ZFAND3: variants seen among roughly 807,000 people sequenced by gnomAD.
ZFAND3 encodes AN1-type zinc finger protein 3.
ZFAND3 carries 10 observed loss-of-function variants against 29.6 expected under a neutral mutation model. The ratio of observed to expected loss-of-function variants is 0.34; its 90% CI spans 0.21 to 0.57. The LOEUF is 0.57. ZFAND3 is among the 20% of genes least tolerant of loss of function. The pLI, the probability that ZFAND3 is intolerant of heterozygous loss-of-function variation, is 0.86. For synonymous variants in ZFAND3, 128 were observed against 112.6 expected, an observed-to-expected ratio of 1.14 and a Z score of -0.87; for missense variants, 230 against 304.5, an observed-to-expected ratio of 0.76 and a Z score of 1.82.
At chr6:37,925,524 G>A (rs369808040) in intron 1 of ZFAND3, among the ~76,000 whole-genome samples, 6 of 152,098 alleles carry the variant, frequency 3.9e-5, no homozygotes, top group African/African-American at 1.4e-4. Flanking sequence ...CCAACATGGT[G>A]AAAACCTGTC....
chr6:38,108,727 C>A (rs1765256879), intron 4 of ZFAND3, among the ~76,000 whole-genome samples: 1 of 152,122 alleles, frequency 6.6e-6, no homozygotes, highest in Non-Finnish European at 1.5e-5. Context: ...CCCATTCCAC[C>A]AACTTAAACG....
chr6:37,870,600 G>GAAA (rs35350059), intron 1 of ZFAND3, among the ~76,000 whole-genome samples: 1,460 of 112,022 alleles, frequency 0.013, 41 homozygotes, highest in African/African-American at 0.029. Flanking sequence ...CTCTGTCTCA[G>GAAA]AAAAAAAAAA....
Position 38,031,471 on chromosome 6 carries a change from A to G in ZFAND3, c.113-30122A>G, listed in dbSNP as rs188121457. ...CGGGAAACAACAAACTCCCTTTAGC[A>G]TGTTCAGTCCTGTCCTCAATTCATT... On this transcript the variant is annotated intron_variant, in intron 2 of 5. Coordinates refer to ENST00000287218, the MANE Select transcript of ZFAND3 (RefSeq NM_021943.3). 7.2e-5 allele frequency among the ~76,000 whole-genome samples: 11 copies of G among 152,256 alleles called. No homozygotes were observed. In the East Asian group the frequency reaches 1.9e-3, roughly 27 times the overall value.
At chr6:38,134,191 T>G (rs1461014460) in intron 5 of ZFAND3, among the ~76,000 whole-genome samples, 1 of 152,204 alleles carries the variant, frequency 6.6e-6, no homozygotes, top group Non-Finnish European at 1.5e-5. Context: ...CCGCTGTACC[T>G]GGGTAATATG....
intron 1 of ZFAND3, among the ~76,000 whole-genome samples, chr6:37,920,052 C>CTTTTTTTTTTTTTTTTTTTTTTTTCT (rs11389241): frequency 1.1e-5 from 1 of 93,410 alleles, no homozygotes; most frequent in Non-Finnish European, 2.1e-5. Context: ...TTTTTTGAAG[C>CTTTTTTTTTTTTTTTTTTTTTTTTCT]TTTTTTTTTT....
intron 1 of ZFAND3, among the ~76,000 whole-genome samples, chr6:37,842,112 A>G (rs1396205898): frequency 6.6e-6 from 1 of 152,120 alleles, no homozygotes; most frequent in Non-Finnish European, 1.5e-5. Context: ...GCGATGCCTT[A>G]ATAACTTAGT....
Position 38,102,500 on chromosome 6 carries a change from T to C in ZFAND3, c.362-14072T>C, listed in dbSNP as rs181940592. ...GCAAAGGACTCAGGGCCAGATTAGG[T>C]TAACCCCTGGGCAAGTCATCTATAC... On this transcript the variant is annotated intron_variant, in intron 4 of 5. Transcript: ENST00000287218. Among the ~76,000 whole-genome samples the C allele has an allele frequency of 2.7e-4, 41 of 152,304 alleles. 1 individual carries two copies. In the East Asian group the frequency reaches 2.9e-3, roughly 11 times the overall value.
At chr6:38,026,604 T>A (rs1370621152) in intron 2 of ZFAND3, among the ~76,000 whole-genome samples, 1 of 151,920 alleles carries the variant, frequency 6.6e-6, no homozygotes, top group Non-Finnish European at 1.5e-5. Flanking sequence ...TAATTTTTTG[T>A]ATTTTTAGTG....
At chr6:37,928,330 G>C (rs759195967) in intron 1 of ZFAND3, among the ~76,000 whole-genome samples, 1 of 152,126 alleles carries the variant, frequency 6.6e-6, no homozygotes, top group South Asian at 2.1e-4. Context: ...TTTAGGGGCA[G>C]TTCTGGTCAA....
chr6:38,039,711 G>A (rs7757560), intron 2 of ZFAND3, among the ~76,000 whole-genome samples: 132,767 of 152,144 alleles, frequency 0.87, 58,773 homozygotes, highest in East Asian at 0.96. Flanking sequence ...AGACATTCCA[G>A]AGTCATGATA....
chr6:37,856,750 A>G (rs1436227645), intron 1 of ZFAND3, among the ~76,000 whole-genome samples: 1 of 152,158 alleles, frequency 6.6e-6, no homozygotes, highest in East Asian at 1.9e-4. Flanking sequence ...GTATTTAATA[A>G]TGCTAATTAA....
intron 1 of ZFAND3, among the ~76,000 whole-genome samples, chr6:37,916,026 C>T (rs1016056498): frequency 2.6e-5 from 4 of 151,400 alleles, no homozygotes; most frequent in African/African-American, 9.7e-5. Flanking sequence ...GCCTCGGCCT[C>T]CTGAAGTGCT....
chr6:38,035,880 T>C (rs939045156), intron 2 of ZFAND3, among the ~76,000 whole-genome samples: 1 of 152,200 alleles, frequency 6.6e-6, no homozygotes, highest in Non-Finnish European at 1.5e-5. Context: ...TCTCTGGAAA[T>C]TGTCCTAAGG....
intron 4 of ZFAND3, among the ~76,000 whole-genome samples, chr6:38,089,356 G>C (rs745312357): frequency 3.9e-5 from 6 of 151,992 alleles, no homozygotes; most frequent in Non-Finnish European, 8.8e-5. Flanking sequence ...TTGAACTCCT[G>C]ACCTCAAGTG....
chr6:37,888,605 C>T (rs1203738180), intron 1 of ZFAND3, among the ~76,000 whole-genome samples: 1 of 152,080 alleles, frequency 6.6e-6, no homozygotes, highest in East Asian at 1.9e-4. Context: ...AGACAGGAGA[C>T]CGAAATCCCA....
rs5875607 is a variant in ZFAND3, at chr6:37,985,499, C to CCACACACACACACACACACA, written c.112+55510_112+55529dup. The stretch of plus-strand genomic sequence containing the variant: ...CGCCTGGTGGCACGTGCTTGTGGTT[C>CCACACACACACACACACACA]CACACACACACACACACACACACAC... On this transcript the variant is annotated intron_variant, in intron 2 of 5. Transcript: ENST00000287218. 7.8e-5 allele frequency among the ~76,000 whole-genome samples: 11 copies of CCACACACACACACACACACA among 141,698 alleles called. No individual in the cohort carries two copies. In the East Asian group the frequency reaches 1.2e-3, roughly 16 times the overall value. 93.0% of individuals were successfully genotyped at this position (141,698 alleles called of 152,430 possible). A position where few individuals can be genotyped will look rare whatever the true frequency, so the allele number is the denominator to read the frequency against.
intron 4 of ZFAND3, among the ~76,000 whole-genome samples, chr6:38,110,347 A>T (rs1001404182): frequency 3.3e-5 from 5 of 152,166 alleles, no homozygotes; most frequent in African/African-American, 1.2e-4. Context: ...AAAGTCTTTC[A>T]TGGCACACAG....
chr6:38,130,195 C>A (rs1226199271), intron 5 of ZFAND3, among the ~76,000 whole-genome samples: 1 of 152,080 alleles, frequency 6.6e-6, no homozygotes, highest in Non-Finnish European at 1.5e-5. Context: ...TTAATCAGTT[C>A]TAGGAGCTTT....
chr6:37,879,674 G>A (rs943605475), intron 1 of ZFAND3, among the ~76,000 whole-genome samples: 9 of 152,260 alleles, frequency 5.9e-5, no homozygotes, highest in South Asian at 4.2e-4. Context: ...GAATGAGCAT[G>A]CTTTTTCTCA....
Sources: allele counts gnomAD v4.1 joint callset (sites outside exome capture counted in the v4.1 genomes callset), GRCh38; gene constraint gnomAD v4.1.1; transcripts MANE v1.5; gene names NCBI Gene and HGNC (gene_info 2026-07-23, HGNC 2026-07-21).